RBFOX1: variants seen among roughly 807,000 people sequenced by gnomAD.
The protein encoded by RBFOX1 is RNA binding fox-1 homolog 1.
A neutral mutation model predicts 57.7 loss-of-function variants in RBFOX1; 8 were observed. The observed-to-expected ratio is 0.14, with a 90% CI of 0.08 to 0.25. The LOEUF (loss-of-function observed/expected upper bound fraction) is 0.25. RBFOX1 is among the 10% of genes least tolerant of loss of function. The probability of loss-of-function intolerance (pLI) is 1.00; values close to 1 mark genes in which losing one functional copy is unlikely to be tolerated. For missense variants in RBFOX1, 611 were observed against 548.5 expected, an observed-to-expected ratio of 1.11 and a Z score of -1.14; for synonymous variants, 326 against 222.4, an observed-to-expected ratio of 1.47 and a Z score of -4.15.
intron 3 of RBFOX1, among the ~76,000 whole-genome samples, chr16:6,829,790 T>TACTAC (rs1332853030): frequency 2.5e-4 from 38 of 152,138 alleles, no homozygotes; most frequent in African/African-American, 8.7e-4. Context: ...GTAGTAGAAA[T>TACTAC]AGGATTTCGC....
At chr16:5,242,779 C>G (rs2062198927) in intron 1 of RBFOX1, among the ~76,000 whole-genome samples, 1 of 152,058 alleles carries the variant, frequency 6.6e-6, no homozygotes, top group Admixed American at 6.6e-5. Flanking sequence ...TTTCTCATCA[C>G]CAGGCCTGGT....
intron 1 of RBFOX1, among the ~76,000 whole-genome samples, chr16:5,244,580 C>G (rs973194813): frequency 6.6e-6 from 1 of 152,242 alleles, no homozygotes; most frequent in Non-Finnish European, 1.5e-5. Context: ...GAAGCTCTCT[C>G]TGCTGAGATA....
chr16:5,950,640 C>G (rs1202801374), intron 4 of RBFOX1, among the ~76,000 whole-genome samples: 1 of 152,166 alleles, frequency 6.6e-6, no homozygotes, highest in Non-Finnish European at 1.5e-5. Flanking sequence ...GGAAACCTTT[C>G]GGTTATTATT....
chr16:7,106,988 C>G (rs11639724), intron 4 of RBFOX1, among the ~76,000 whole-genome samples: 1 of 146,856 alleles, frequency 6.8e-6, no homozygotes, highest in Non-Finnish European at 1.5e-5. Context: ...AGTTAAAACA[C>G]ACACACACAC....
At chr16:7,235,744 G>C (rs146720750) in intron 4 of RBFOX1, among the ~76,000 whole-genome samples, 191 of 152,220 alleles carry the variant, frequency 1.3e-3, no homozygotes, top group African/African-American at 4.4e-3. Context: ...TATATTAAGG[G>C]TTGACCAAAA....
Position 5,944,790 on chromosome 16 carries a change from T to TAAAAAAAAAAAAAAAAAAAAAAAAAA in RBFOX1, c.351+77474_351+77475insAAAAAAAAAAAAAAAAAAAAAAAAAA, listed in dbSNP as rs60749168. 1.3e-3 allele frequency among the ~76,000 whole-genome samples: 52 copies of TAAAAAAAAAAAAAAAAAAAAAAAAAA among 41,240 alleles called. 8 individuals are homozygous for TAAAAAAAAAAAAAAAAAAAAAAAAAA. The highest frequency in any genetic ancestry group is 2.2e-3 in the African/African-American group (21 of 9,736). The allele number at this position is 41,240 out of a possible 152,430, so 27.1% of individuals were successfully genotyped here. On this transcript the variant is annotated intron_variant, in intron 4 of 19. Transcript: ENST00000641259. ...CAACTTGGTGAAACCCTGTCTCTGC[T>TAAAAAAAAAAAAAAAAAAAAAAAAAA]AAAAAAAAAAAAAAAAAAATTAGCT... is the stretch of plus-strand genomic sequence containing the variant.
intron 11 of RBFOX1, among the ~76,000 whole-genome samples, chr16:7,645,819 C>T (rs759608842): frequency 1.4e-4 from 22 of 152,132 alleles, no homozygotes; most frequent in Non-Finnish European, 2.9e-4. Flanking sequence ...AAGGGTCAAT[C>T]CCAAATGTGT....
At chr16:7,658,812 C>T (rs1478816953) in intron 12 of RBFOX1, among the ~76,000 whole-genome samples, 2 of 152,214 alleles carry the variant, frequency 1.3e-5, no homozygotes, top group Admixed American at 1.3e-4. Flanking sequence ...GCAACCTCCT[C>T]CTCCTGGGTT....
chr16:6,444,538 T>A (rs765514112), intron 2 of RBFOX1, among the ~76,000 whole-genome samples: 5 of 152,222 alleles, frequency 3.3e-5, no homozygotes, highest in Non-Finnish European at 7.3e-5. Context: ...TCTCTTTGCC[T>A]GCTGCCATCC....
chr16:7,450,981 C>T (rs1439848217), intron 4 of RBFOX1, among the ~76,000 whole-genome samples: 1 of 152,182 alleles, frequency 6.6e-6, no homozygotes, highest in Non-Finnish European at 1.5e-5. Flanking sequence ...TGGCTGCCTC[C>T]TTCAATCACT....
chr16:6,265,978 A>T (rs2074437798), intron 1 of RBFOX1, among the ~76,000 whole-genome samples: 1 of 152,102 alleles, frequency 6.6e-6, no homozygotes. Flanking sequence ...TTCCTTACTA[A>T]ACATTCTGGC....
chr16:6,953,392 A>G (rs1323714060), intron 3 of RBFOX1, among the ~76,000 whole-genome samples: 2 of 147,380 alleles, frequency 1.4e-5, no homozygotes, highest in Non-Finnish European at 3.1e-5. Context: ...TGTTGTTGTT[A>G]TTGTTTTTTT....
At chr16:6,693,258 C>A (rs2060499752) in intron 3 of RBFOX1, among the ~76,000 whole-genome samples, 3 of 151,770 alleles carry the variant, frequency 2.0e-5, no homozygotes, top group South Asian at 2.1e-4. Context: ...TCATCATCAT[C>A]CTCATCCACT....
At chr16:5,246,408 G>A (rs1387650967) in intron 1 of RBFOX1, among the ~76,000 whole-genome samples, 1 of 152,036 alleles carries the variant, frequency 6.6e-6, no homozygotes, top group African/African-American at 2.4e-5. Context: ...ATTACAAAAT[G>A]GCTAAATCAA....
rs887302027 is a variant in RBFOX1, at chr16:7,597,442, A to G, written c.622+11A>G. On this transcript the variant is annotated intron_variant, in intron 9 of 15. Coordinates refer to ENST00000550418, the MANE Select transcript of RBFOX1 (RefSeq NM_018723.4). ...ACCCTTATACAAATGGTAAGTAGAGATTGGCCTTTTACAAGAAATTCTCTC... is the reference window on the plus strand; with the variant it reads ...ACCCTTATACAAATGGTAAGTAGAGGTTGGCCTTTTACAAGAAATTCTCTC... 1.3e-6 allele frequency: 2 copies of G among 1,590,364 alleles called. No homozygotes were observed. Among genetic ancestry groups the G allele is most frequent in the Non-Finnish European group, 1.7e-6 (2 of 1,163,210 alleles).
At position 7,367,880 on chromosome 16, in the gene RBFOX1, G is replaced by A. The variant is rs932104619; in HGVS notation, c.28-150267G>A. Among the ~76,000 whole-genome samples, 9 of 104,262 alleles carry A rather than the reference G, an allele frequency of 8.6e-5. No homozygotes were observed. In the East Asian group the frequency reaches 2.7e-3, roughly 31 times the overall value. 68.4% of individuals were successfully genotyped at this position (104,262 alleles called of 152,430 possible). On this transcript the variant is annotated intron_variant, in intron 4 of 15. Transcript: ENST00000550418. Reference sequence around the variant, plus strand: ...TGTGCATGAGCACGTGCACACATGCGTGCATACACACACACACACACACAC... The same window carrying A: ...TGTGCATGAGCACGTGCACACATGCATGCATACACACACACACACACACAC...
At chr16:6,327,424 T>C (rs73537480) in intron 2 of RBFOX1, among the ~76,000 whole-genome samples, 1,833 of 152,248 alleles carry the variant, frequency 0.012, 36 homozygotes, top group African/African-American at 0.041. Context: ...GAAGTATAAG[T>C]CAAAGGATAG....
intron 1 of RBFOX1, among the ~76,000 whole-genome samples, chr16:5,425,970 AAGG>A (rs1162935533): frequency 1.3e-5 from 2 of 152,158 alleles, no homozygotes; most frequent in Non-Finnish European, 2.9e-5. Flanking sequence ...TCACCCCTGG[AAGG>A]AGAGAGTGTG....
At chr16:5,853,370 T>A (rs1204405289) in intron 3 of RBFOX1, among the ~76,000 whole-genome samples, 1 of 152,152 alleles carries the variant, frequency 6.6e-6, no homozygotes, top group Non-Finnish European at 1.5e-5. Context: ...AAAGCAAAGC[T>A]TTGTGAGCGT....
Sources: allele counts gnomAD v4.1 joint callset (sites outside exome capture counted in the v4.1 genomes callset), GRCh38; gene constraint gnomAD v4.1.1; transcripts MANE v1.5; gene names NCBI Gene and HGNC (gene_info 2026-07-23, HGNC 2026-07-21).